Variants in TMPRSS13 observed in about 807,000 individuals in gnomAD.
TMPRSS13 encodes transmembrane serine protease 13.
A neutral mutation model predicts 68.4 loss-of-function variants in TMPRSS13; 50 were observed. That is an observed-to-expected ratio of 0.73 (90% CI 0.58 to 0.93). TMPRSS13 has a LOEUF of 0.93. Ranked by LOEUF, TMPRSS13 falls within the 40% of genes least tolerant of loss-of-function variation. TMPRSS13 has a pLI of 0.00. For missense variants in TMPRSS13, 615 were observed against 729.2 expected (o/e 0.84, Z 1.80); for synonymous variants, 267 against 285.8 (o/e 0.93, Z 0.66).
rs576900931 is a variant in TMPRSS13, at chr11:117,915,411, C to T, written c.557-897G>A. Among the ~76,000 whole-genome samples the T allele has an allele frequency of 2.3e-4, 35 of 152,328 alleles. No homozygotes were observed. The highest frequency in any genetic ancestry group is 4.0e-4 in the Non-Finnish European group (27 of 68,022). ...TCCATCACCCAGGGTAAAGGCCGCC[C>T]GGGTGTGACTGCTCCTTCCAGGTCC... is the stretch of plus-strand genomic sequence containing the variant. On this transcript the variant is annotated intron_variant, in intron 3 of 12. Transcript: ENST00000524993. This position sits in a 1 kb window ranked among gnomAD's most constrained non-coding sequence, Gnocchi z 4.9.
At chr11:117,903,497 G>A (rs2057429416) in intron 12 of TMPRSS13, 158 bp downstream of exon 12, 1 of 1,544,102 alleles carries the variant, frequency 6.5e-7, no homozygotes, top group Non-Finnish European at 8.7e-7. Context: ...AGACAGCTGG[G>A]ATTGACCCCA....
rs2057557842 is a variant in TMPRSS13, at chr11:117,914,654, G to A, written c.557-140C>T. On this transcript the variant is annotated intron_variant, in intron 3 of 12. Coordinates refer to ENST00000524993, the MANE Select transcript of TMPRSS13 (RefSeq NM_001077263.3). This position sits in a 1 kb window ranked among gnomAD's most constrained non-coding sequence, Gnocchi z 4.2. The stretch of plus-strand genomic sequence containing the variant: ...TGGGGCTCTCATCCCCCATCTGTAT[G>A]GAGAGAAAGGCTGCTCAGGAATGCT... The A allele has an allele frequency of 1.4e-6, 2 of 1,450,562 alleles. No homozygotes were observed. The highest frequency in any genetic ancestry group is 1.9e-6 in the Non-Finnish European group (2 of 1,079,726). The allele number at this position is 1,450,562 out of a possible 1,614,324, so 89.9% of individuals were successfully genotyped here. A position where few individuals can be genotyped will look rare whatever the true frequency, so the allele number is the denominator to read the frequency against.
In TMPRSS13 at chr11:117,913,867, G is replaced by C; in HGVS notation, c.719C>G (p.Ser240Cys). 6.2e-7 allele frequency: 1 copy of C among 1,614,136 alleles called. No homozygotes were observed. The highest frequency in any genetic ancestry group is 8.5e-7 in the Non-Finnish European group (1 of 1,180,024). ...DWDKSLLKIY[S>C]GSSHQWLPIC... is the part of the protein sequence containing the mutation. ...GGGAAGCCACTGATGGGAGGACCCA[G>C]AGTAGATTTTAAGCAGAGACTTGTC... Residue 240 changes from serine to cysteine, a missense_variant, in exon 5 of 13, where the codon TCT (serine) becomes TGT (cysteine). Transcript: ENST00000524993.
chr11:117,911,893 C>G, intron 5 of TMPRSS13, 33 bp from the exon 6 acceptor site: 2 of 1,577,714 alleles, frequency 1.3e-6, no homozygotes, highest in South Asian at 2.2e-5. Flanking sequence ...AGAATGAGCC[C>G]CCTGGAGACA....
intron 5 of TMPRSS13, 145 bp from the exon 6 acceptor site, chr11:117,912,005 C>A: frequency 1.6e-6 from 1 of 643,252 alleles, no homozygotes; most frequent in Non-Finnish European, 2.7e-6. Flanking sequence ...CAAGCAGCAG[C>A]TAAGCCCCAA....
chr11:117,917,338 T>TG (rs1211351710), intron 2 of TMPRSS13, 64 bp from the exon 3 acceptor site: 1 of 1,336,894 alleles, frequency 7.5e-7, no homozygotes, highest in Non-Finnish European at 1.0e-6. Flanking sequence ...ATGGAGAGGG[T>TG]GGGGGAAACA....
Position 117,922,299 on chromosome 11 carries a change from A to G in TMPRSS13, c.22-3461T>C, listed in dbSNP as rs149874348. Among the ~76,000 whole-genome samples, 2,214 of 152,162 alleles carry G rather than the reference A, an allele frequency of 0.015. 64 individuals are homozygous for G. The highest frequency in any genetic ancestry group is 0.051 in the African/African-American group (2,106 of 41,500). ...CGCCAGGCTGGAGTACAGTGGCGTG[A>G]TCTCGGCTCACTGCAACCTCCACCT... On this transcript the variant is annotated intron_variant, in intron 1 of 12. Coordinates refer to ENST00000524993, the MANE Select transcript of TMPRSS13 (RefSeq NM_001077263.3). This position sits in a 1 kb window ranked among gnomAD's most constrained non-coding sequence, Gnocchi z 4.2.
rs2057457851 is a variant in TMPRSS13 at position 117,905,699 on chromosome 11, C to T, written c.1320G>A (p.Gln440=). The T allele has an allele frequency of 1.2e-6, 2 of 1,605,918 alleles. No homozygotes were observed. The highest frequency in any genetic ancestry group is 1.1e-5 in the South Asian group (1 of 89,392). Residue 440 remains glutamine (Q), a synonymous_variant, in exon 10 of 13, where the codon CAG becomes CAA. Transcript: ENST00000524993. The part of the protein sequence containing the change: ...IHPACLPMHG[Q]TFSLNETCWI... Reference sequence around the variant, plus strand: ...AGCAGGTCTCATTGAGGCTAAAGGTCTGTCCATGCATGGGGAGGCAAGCAG... The same window carrying T: ...AGCAGGTCTCATTGAGGCTAAAGGTTTGTCCATGCATGGGGAGGCAAGCAG...
rs780717202 is a variant in TMPRSS13 at position 117,917,282 on chromosome 11, C to G, written c.452-8G>C. 21 of 1,608,026 alleles carry G rather than the reference C, an allele frequency of 1.3e-5. No homozygotes were observed. The highest frequency in any genetic ancestry group is 1.8e-5 in the Non-Finnish European group (21 of 1,177,974). On this transcript the variant is annotated splice_polypyrimidine_tract_variant and splice_region_variant and intron_variant, in intron 2 of 12. Transcript: ENST00000524993. ...ACTTGGGCAGGCTCGTACCTAGGAG[C>G]AGGGCGGCAGCAGGGGAATATGAGG...
chr11:117,927,145 A>G (rs1247013531), intron 1 of TMPRSS13, among the ~76,000 whole-genome samples: 1 of 152,212 alleles, frequency 6.6e-6, no homozygotes, highest in East Asian at 1.9e-4. Context: ...CAGTGTTCAA[A>G]TAAGGCTATT....
chr11:117,923,838 T>TTAAAAAA lies in TMPRSS13; in HGVS notation c.22-5001_22-5000insTTTTTTA, dbSNP rs56359328. ...ACCCTAGAACTTAAAGTATAATAATTAAAAAAAAAAAAAAAAAAGCTCTCC... is the reference window on the plus strand; with the variant it reads ...ACCCTAGAACTTAAAGTATAATAATTTAAAAAAAAAAAAAAAAAAAAAAAAGCTCTCC... On this transcript the variant is annotated intron_variant, in intron 1 of 12. Transcript: ENST00000524993. 1.0e-4 allele frequency among the ~76,000 whole-genome samples: 13 copies of TTAAAAAA among 128,132 alleles called. 2 individuals carry two copies. The highest frequency in any genetic ancestry group is 1.9e-4 in the Non-Finnish European group (12 of 62,236). The allele number at this position is 128,132 out of a possible 152,430, so 84.1% of individuals were successfully genotyped here.
intron 1 of TMPRSS13, among the ~76,000 whole-genome samples, chr11:117,923,499 G>T (rs1413749251): frequency 6.6e-6 from 1 of 152,122 alleles, no homozygotes; most frequent in Non-Finnish European, 1.5e-5. Context: ...TGTGGATCGA[G>T]CCCCAGGCTC....
At chr11:117,905,264 C>G (rs913791217) in intron 10 of TMPRSS13, among the ~76,000 whole-genome samples, 2 of 151,932 alleles carry the variant, frequency 1.3e-5, no homozygotes, top group African/African-American at 4.8e-5. Flanking sequence ...GAGAAAAGTC[C>G]TGCGTCTTTG....
chr11:117,904,727 A>G (rs2057445965), intron 10 of TMPRSS13, among the ~76,000 whole-genome samples: 1 of 151,496 alleles, frequency 6.6e-6, no homozygotes, highest in Non-Finnish European at 1.5e-5. Flanking sequence ...TGAAAACAAG[A>G]CCACTTCATC....
At chr11:117,909,737 T>C (rs2057501029) in intron 8 of TMPRSS13, 69 bp downstream of exon 8, 17 of 1,536,110 alleles carry the variant, frequency 1.1e-5, no homozygotes, top group Non-Finnish European at 1.5e-5. Context: ...GAAGTCAGTC[T>C]GCAGCCAGCC....
Position 117,903,815 on chromosome 11 carries a change from G to C in TMPRSS13, c.1525-8C>G. On this transcript the variant is annotated splice_region_variant and splice_polypyrimidine_tract_variant and intron_variant, in intron 11 of 12. Transcript: ENST00000524993. ...AGGCCCCCCGCTGTCTCCCTGCAGG[G>C]GAGAGGGGGCACATTCGCAGGATGG... 1 of 1,609,262 alleles carries C rather than the reference G, an allele frequency of 6.2e-7. No homozygotes were observed. The highest frequency in any genetic ancestry group is 8.5e-7 in the Non-Finnish European group (1 of 1,177,908).
chr11:117,910,821 A>C (rs1036367265), intron 6 of TMPRSS13, 71 bp from the exon 7 acceptor site: 42 of 1,397,016 alleles, frequency 3.0e-5, no homozygotes, highest in Non-Finnish European at 3.9e-5. Context: ...TTCCTGATTG[A>C]CTCCTGCTCA....
intron 1 of TMPRSS13, among the ~76,000 whole-genome samples, chr11:117,926,518 G>T (rs868783854): frequency 3.3e-4 from 50 of 152,220 alleles, no homozygotes; most frequent in African/African-American, 1.2e-3. Flanking sequence ...CTTGAAGAAG[G>T]CCCAGTATAA....
At position 117,918,771 on chromosome 11, in the gene TMPRSS13, G is replaced by A. The variant is rs950427976; in HGVS notation, c.89C>T (p.Pro30Leu). 6.2e-7 allele frequency: 1 copy of A among 1,613,236 alleles called. No homozygotes were observed. The highest frequency in any genetic ancestry group is 8.5e-7 in the Non-Finnish European group (1 of 1,179,712). The change falls in exon 2 of 13, where the codon CCT (proline) becomes CTT (leucine). Residue 30 changes from proline (P) to leucine (L), a missense_variant. By Grantham distance (98) the Pro-to-Leu change is moderately conservative. Transcript: ENST00000524993. The stretch of plus-strand genomic sequence containing the variant: ...CTGGGCTGGAGATGCCCGGCCTGGA[G>A]GTGTCCCAGCTGGAGATGCCTGGGC... ...SPAQASPAGT[P>L]PGRASPAQAS...
Sources: allele counts gnomAD v4.1 joint callset (sites outside exome capture counted in the v4.1 genomes callset), GRCh38; gene constraint gnomAD v4.1.1; non-coding constraint Gnocchi (gnomAD v3.1); transcripts MANE v1.5; gene names NCBI Gene and HGNC (gene_info 2026-07-23, HGNC 2026-07-21).